EMC2: variants seen among roughly 807,000 people sequenced by gnomAD.
EMC2 encodes the protein ER membrane protein complex subunit 2.
In EMC2, 37 loss-of-function variants were observed where a neutral mutation model predicts 51.6. The observed-to-expected ratio is 0.72, with a 90% CI of 0.55 to 0.94. The LOEUF (loss-of-function observed/expected upper bound fraction) is 0.94, where lower values mean the gene tolerates loss of function less well. Among genes scored for constraint, EMC2 ranks in the 40% least tolerant of loss-of-function variants. The probability of loss-of-function intolerance (pLI) is 0.00; values close to 1 mark genes in which losing one functional copy is unlikely to be tolerated. For missense variants in EMC2, 359 were observed against 350.9 expected (o/e 1.02, Z -0.18); for synonymous variants, 131 against 112.4 (o/e 1.17, Z -1.04).
intron 9 of EMC2, among the ~76,000 whole-genome samples, chr8:108,477,352 T>A (rs1194189705): frequency 6.6e-6 from 1 of 152,002 alleles, no homozygotes; most frequent in Non-Finnish European, 1.5e-5. Context: ...GTGGGAAGTA[T>A]GTAATGACCT....
intron 2 of EMC2, among the ~76,000 whole-genome samples, 174 bp from the exon 3 acceptor site, chr8:108,450,254 T>C (rs1382434377): frequency 6.6e-6 from 1 of 152,206 alleles, no homozygotes; most frequent in Non-Finnish European, 1.5e-5. Context: ...TTAACATATT[T>C]TACACTGCTG....
At position 108,453,097 on chromosome 8, in the gene EMC2, CA is replaced by C; in HGVS notation, c.256del (p.Ser86ValfsTer7). 6.2e-7 allele frequency: 1 copy of C among 1,605,900 alleles called. No individual in the cohort carries two copies. Among genetic ancestry groups the C allele is most frequent in the Non-Finnish European group, 8.5e-7 (1 of 1,176,004 alleles). ...AAGAGCTGAGAAGACAGTTCCCTGG[CA>C]GTCACAGAGTCAAGCGATTAACAGG... ...LQELRRQFPG[S>X]HRVKRLTGMR... On this transcript the variant is annotated frameshift_variant, in exon 4 of 11. Coordinates refer to ENST00000220853, the MANE Select transcript of EMC2 (RefSeq NM_014673.5). LOFTEE classifies it high-confidence loss of function.
chr8:108,448,321 C>G (rs996912330), intron 1 of EMC2, among the ~76,000 whole-genome samples: 2 of 152,066 alleles, frequency 1.3e-5, no homozygotes, highest in African/African-American at 4.8e-5. Flanking sequence ...GTATCAAGTC[C>G]ATGTTCTTTC....
intron 5 of EMC2, among the ~76,000 whole-genome samples, chr8:108,463,063 T>G (rs1035572069): frequency 6.6e-6 from 1 of 152,174 alleles, no homozygotes; most frequent in African/African-American, 2.4e-5. Context: ...AGACAGTATT[T>G]TATACCTCTG....
chr8:108,448,880 TCAGA>T (rs1209814157), intron 1 of EMC2, among the ~76,000 whole-genome samples: 2 of 152,176 alleles, frequency 1.3e-5, no homozygotes, highest in African/African-American at 4.8e-5. Context: ...GATTTTCCTG[TCAGA>T]CAGCCATGAT....
Position 108,449,903 on chromosome 8 carries a change from A to G in EMC2, c.121A>G (p.Ile41Val). The G allele has an allele frequency of 6.3e-7, 1 of 1,579,672 alleles. No individual in the cohort carries two copies. The change falls in exon 2 of 11, where the codon ATT (isoleucine) becomes GTT (valine). Residue 41 changes from isoleucine (I) to valine (V), a missense_variant. Ile to Val is a conservative substitution (Grantham distance 29, BLOSUM62 3). Coordinates refer to ENST00000220853, the MANE Select transcript of EMC2 (RefSeq NM_014673.5). ...AATTGTGGAAGTTGGAGAAGAATTA[A>G]TTAATGAATATGCTTCTAAGCTGGG... ...EQIVEVGEEL[I>V]NEYASKLGDD...
chr8:108,470,526 A>T (rs1357540773), intron 7 of EMC2, among the ~76,000 whole-genome samples: 1 of 152,180 alleles, frequency 6.6e-6, no homozygotes, highest in African/African-American at 2.4e-5. Flanking sequence ...TGTCAATTGT[A>T]TGCATGTATT....
rs1811179549 is a variant in EMC2 at position 108,488,284 on chromosome 8, C to G, written c.*1686C>G. On this transcript the variant is annotated 3_prime_UTR_variant, in exon 11 of 11. Coordinates refer to ENST00000220853, the MANE Select transcript of EMC2 (RefSeq NM_014673.5). ...TCAAGCGATTCTTGTGCCTCAGCCT[C>G]TGAGTAGCTGGGACTACAGGCATGT... 6.6e-6 allele frequency among the ~76,000 whole-genome samples: 1 copy of G among 151,596 alleles called. No individual in the cohort carries two copies. The highest frequency in any genetic ancestry group is 1.5e-5 in the Non-Finnish European group (1 of 67,966).
chr8:108,485,452 TACATATATATAATATATATAGGTA>T (rs1311249164), intron 10 of EMC2, among the ~76,000 whole-genome samples: 1 of 143,928 alleles, frequency 6.9e-6, no homozygotes, highest in Non-Finnish European at 1.5e-5. Flanking sequence ...TTAATATATA[TACATATATATAATATATATAGGTA>T]ACATATATAT....
intron 5 of EMC2, among the ~76,000 whole-genome samples, chr8:108,463,541 A>G (rs1819384383): frequency 6.6e-6 from 1 of 152,226 alleles, no homozygotes; most frequent in African/African-American, 2.4e-5. Flanking sequence ...TTCAGAAAGC[A>G]GAGTAATTAT....
At chr8:108,462,177 CGT>C (rs150710204) in intron 5 of EMC2, among the ~76,000 whole-genome samples, 1,862 of 150,202 alleles carry the variant, frequency 0.012, 50 homozygotes, top group African/African-American at 0.044. Context: ...TAGGCCTGCG[CGT>C]GTGTGTGTGT....
chr8:108,469,916 G>A lies in EMC2; in HGVS notation c.449+5G>A. On this transcript the variant is annotated splice_donor_5th_base_variant and intron_variant, in intron 6 of 10. Transcript: ENST00000220853. ...GCTGAATGAGTATCTGGAACAGTGA[G>A]TATTTTACAAGAGGATTGTGTTTTG... is the stretch of plus-strand genomic sequence containing the variant. 2 of 1,604,866 alleles carry A rather than the reference G, an allele frequency of 1.2e-6. No individual in the cohort carries two copies. The highest frequency in any genetic ancestry group is 1.7e-5 in the Admixed American group (1 of 59,938).
chr8:108,446,501 C>T (rs1355907476), intron 1 of EMC2, among the ~76,000 whole-genome samples: 1 of 150,240 alleles, frequency 6.7e-6, no homozygotes, highest in Non-Finnish European at 1.5e-5. Flanking sequence ...CTTCGAAATA[C>T]TTCGAAATAC....
At chr8:108,480,824 T>C (rs1811032336) in intron 10 of EMC2, among the ~76,000 whole-genome samples, 1 of 152,140 alleles carries the variant, frequency 6.6e-6, no homozygotes, top group Non-Finnish European at 1.5e-5. Flanking sequence ...GCTAGATATT[T>C]TAGAAATTTT....
chr8:108,468,963 T>A (rs1346958784), intron 5 of EMC2, among the ~76,000 whole-genome samples: 2 of 152,164 alleles, frequency 1.3e-5, no homozygotes, highest in East Asian at 3.9e-4. Context: ...TACTTACTCT[T>A]TGTTTCAGTA....
chr8:108,482,197 A>C lies in EMC2; in HGVS notation c.807+3087A>C, dbSNP rs1211499503. 3.3e-5 allele frequency among the ~76,000 whole-genome samples: 5 copies of C among 152,160 alleles called. No homozygotes were observed. In the South Asian group the frequency reaches 6.2e-4, roughly 19 times the overall value. On this transcript the variant is annotated intron_variant, in intron 10 of 10. Transcript: ENST00000220853. ...TTTGTAATTACAGCCATTCTGGTAC[A>C]TGTGTAGAGTGGTACTTCATGGTTT...
intron 10 of EMC2, among the ~76,000 whole-genome samples, chr8:108,485,227 AT>A (rs1811111788): frequency 6.6e-6 from 1 of 151,554 alleles, no homozygotes; most frequent in Admixed American, 6.6e-5. Context: ...AATTAAGTTA[AT>A]TACAGAAGAC....
rs771832025 is a variant in EMC2 at position 108,475,866 on chromosome 8, CTTGATGTGTT to C, written c.510-13_510-4del. The C allele has an allele frequency of 6.8e-7, 1 of 1,479,832 alleles. No homozygotes were observed. The highest frequency in any genetic ancestry group is 1.4e-5 in the African/African-American group (1 of 70,452). 91.7% of individuals were successfully genotyped at this position (1,479,832 alleles called of 1,614,324 possible). ...GTGACTTTAAAAATTAATTTCTCCT[CTTGATGTGTT>C]TTTAGCTATGCAAAAGCAGCCTTTT... On this transcript the variant is annotated splice_region_variant and splice_polypyrimidine_tract_variant and intron_variant, in intron 7 of 10. Transcript: ENST00000220853.
At chr8:108,469,109 TTTTA>T in intron 5 of EMC2, among the ~76,000 whole-genome samples, 1 of 152,326 alleles carries the variant, frequency 6.6e-6, no homozygotes, top group Admixed American at 6.5e-5. Context: ...GCATTAACTT[TTTTA>T]TTTGATACGT....
Sources: gnomAD v4.1 joint callset for allele counts (sites outside exome capture counted in the v4.1 genomes callset) on GRCh38, gnomAD v4.1.1 for gene constraint, MANE v1.5 for transcripts, NCBI Gene and HGNC (gene_info 2026-07-23, HGNC 2026-07-21) for gene names.